Variants in CMSS1 observed in about 807,000 individuals in gnomAD.
The protein encoded by CMSS1 is cms1 ribosomal small subunit homolog.
In CMSS1, 33 loss-of-function variants were observed where a neutral mutation model predicts 43.5. The ratio of observed to expected loss-of-function variants is 0.76; its 90% CI spans 0.57 to 1.01. The LOEUF (loss-of-function observed/expected upper bound fraction) is 1.01, where lower values mean the gene tolerates loss of function less well. Ranked by LOEUF, CMSS1 falls within the 50% of genes least tolerant of loss-of-function variation. The pLI is 0.00. For missense variants in CMSS1, 313 were observed against 326.4 expected (o/e 0.96, Z 0.32); for synonymous variants, 115 against 117.2 (o/e 0.98, Z 0.12).
intron 4 of CMSS1, among the ~76,000 whole-genome samples, chr3:100,165,541 G>A (rs1451371186): frequency 1.3e-5 from 2 of 151,862 alleles, no homozygotes; most frequent in East Asian, 3.9e-4. Context: ...TTCTTCACTT[G>A]ACACTTTTTC....
At chr3:99,939,268 T>G (rs948723928) in intron 1 of CMSS1, among the ~76,000 whole-genome samples, 3 of 152,220 alleles carry the variant, frequency 2.0e-5, no homozygotes, top group Non-Finnish European at 4.4e-5. Context: ...TGTCCAAAAG[T>G]GCTTCCTTGT....
chr3:100,127,079 C>T (rs1175959392), intron 1 of CMSS1, among the ~76,000 whole-genome samples: 3 of 152,138 alleles, frequency 2.0e-5, no homozygotes, highest in African/African-American at 4.8e-5. Flanking sequence ...GTCTCAGTCA[C>T]TTAACCTTCC....
intron 1 of CMSS1, among the ~76,000 whole-genome samples, chr3:99,888,132 G>A (rs1213356335): frequency 1.3e-5 from 2 of 152,114 alleles, no homozygotes; most frequent in Non-Finnish European, 2.9e-5. Context: ...TTAAATGTCT[G>A]CTCTGAGAAT....
chr3:99,879,603 T>C (rs1262496708), intron 1 of CMSS1, among the ~76,000 whole-genome samples: 2 of 152,194 alleles, frequency 1.3e-5, no homozygotes, highest in Non-Finnish European at 2.9e-5. Context: ...GAAGCAGTAA[T>C]TAATAGGATG....
chr3:99,934,654 C>G (rs914125557), intron 1 of CMSS1, among the ~76,000 whole-genome samples: 2 of 152,082 alleles, frequency 1.3e-5, no homozygotes, highest in African/African-American at 4.8e-5. Context: ...TAAGTAGTGC[C>G]CTTTTAGCTT....
intron 1 of CMSS1, among the ~76,000 whole-genome samples, chr3:99,987,882 C>T (rs1399253472): frequency 1.3e-5 from 2 of 152,134 alleles, no homozygotes; most frequent in African/African-American, 4.8e-5. Flanking sequence ...AACAATAATG[C>T]ACATAGTTCT....
intron 1 of CMSS1, among the ~76,000 whole-genome samples, chr3:99,990,221 G>A (rs1349605663): frequency 6.6e-6 from 1 of 151,912 alleles, no homozygotes; most frequent in Non-Finnish European, 1.5e-5. Context: ...GGTAGAGAGG[G>A]TAGTCAAGAG....
intron 1 of CMSS1, among the ~76,000 whole-genome samples, chr3:99,976,750 A>T (rs1366311908): frequency 6.6e-6 from 1 of 152,120 alleles, no homozygotes. Context: ...TACCCTACTC[A>T]GAGTTCTTCA....
chr3:100,085,422 G>C (rs2065992312), intron 1 of CMSS1, among the ~76,000 whole-genome samples: 1 of 152,100 alleles, frequency 6.6e-6, no homozygotes, highest in Admixed American at 6.6e-5. Context: ...TTATACAAAT[G>C]TTGCCCATTT....
At chr3:100,020,499 G>C (rs747867791) in intron 1 of CMSS1, among the ~76,000 whole-genome samples, 1 of 152,152 alleles carries the variant, frequency 6.6e-6, no homozygotes, top group Non-Finnish European at 1.5e-5. Flanking sequence ...CGTTTTGAAG[G>C]CCTCAGGTAG....
chr3:99,895,243 T>G (rs1206824254), intron 1 of CMSS1, among the ~76,000 whole-genome samples: 2 of 152,178 alleles, frequency 1.3e-5, no homozygotes, highest in Non-Finnish European at 2.9e-5. Flanking sequence ...TGATAGCATG[T>G]TCTTTTAGGC....
chr3:99,875,683 C>G (rs181898162), intron 1 of CMSS1, among the ~76,000 whole-genome samples: 2 of 152,252 alleles, frequency 1.3e-5, no homozygotes, highest in South Asian at 4.2e-4. Flanking sequence ...GCATTCTGCT[C>G]ATGTAAGACA....
chr3:100,040,781 A>T (rs1297086035), intron 1 of CMSS1: 1 of 152,238 alleles, frequency 6.6e-6, no homozygotes, highest in Non-Finnish European at 1.5e-5. Context: ...CTCTTTTCCC[A>T]TCACAGCCAA....
At chr3:100,071,090 C>CTTTT (rs61563009) in intron 1 of CMSS1, among the ~76,000 whole-genome samples, 934 of 70,182 alleles carry the variant, frequency 0.013, 19 homozygotes, top group African/African-American at 0.032. Context: ...GCTACTCTCT[C>CTTTT]TTTTTTTTTT....
intron 8 of CMSS1, among the ~76,000 whole-genome samples, chr3:100,174,594 TA>T (rs1384698834): frequency 6.6e-6 from 1 of 152,214 alleles, no homozygotes; most frequent in Non-Finnish European, 1.5e-5. Context: ...TCATATTCAT[TA>T]ACCACAGGTA....
intron 1 of CMSS1, among the ~76,000 whole-genome samples, chr3:100,042,817 A>G (rs564787658): frequency 1.9e-4 from 29 of 152,350 alleles, no homozygotes; most frequent in African/African-American, 6.5e-4. Flanking sequence ...ACAATCGAGT[A>G]CTTCTTACGG....
chr3:99,939,967 C>T (rs375108533), intron 1 of CMSS1, among the ~76,000 whole-genome samples: 23 of 152,280 alleles, frequency 1.5e-4, no homozygotes, highest in African/African-American at 5.1e-4. Context: ...TTGTTTTCTA[C>T]GTGCTGCAGT....
intron 1 of CMSS1, among the ~76,000 whole-genome samples, chr3:100,083,077 A>G (rs2065956144): frequency 6.6e-6 from 1 of 152,226 alleles, no homozygotes; most frequent in Non-Finnish European, 1.5e-5. Context: ...AGCAATTTCC[A>G]GGTCTAAATA....
chr3:99,985,884 G>A (rs997033878), intron 1 of CMSS1, among the ~76,000 whole-genome samples: 2 of 152,036 alleles, frequency 1.3e-5, no homozygotes, highest in Admixed American at 6.6e-5. Context: ...CCACCGCACC[G>A]GGCCTGAGAA....
Sources: gnomAD v4.1 joint callset for allele counts (sites outside exome capture counted in the v4.1 genomes callset) on GRCh38, gnomAD v4.1.1 for gene constraint, MANE v1.5 for transcripts, NCBI Gene and HGNC (gene_info 2026-07-23, HGNC 2026-07-21) for gene names.